Variants in ASIC2 observed in about 807,000 individuals in gnomAD.
ASIC2 encodes acid-sensing ion channel 2.
Under a neutral mutation model 57.3 loss-of-function variants are expected in ASIC2, and 25 were observed. The observed-to-expected ratio is 0.44, with a 90% CI of 0.32 to 0.61. ASIC2 has a LOEUF of 0.61. Ranked by LOEUF, ASIC2 falls within the 20% of genes least tolerant of loss-of-function variation. The pLI is 0.06. For missense variants in ASIC2, 641 were observed against 738.1 expected, an observed-to-expected ratio of 0.87 and a Z score of 1.52; for synonymous variants, 319 against 307.5, an observed-to-expected ratio of 1.04 and a Z score of -0.39.
chr17:33,236,492 C>G (rs765451754), intron 1 of ASIC2, among the ~76,000 whole-genome samples: 3 of 152,010 alleles, frequency 2.0e-5, no homozygotes, highest in Non-Finnish European at 4.4e-5. Flanking sequence ...TACAGGTGCA[C>G]GCTACTACAC....
intron 1 of ASIC2, among the ~76,000 whole-genome samples, chr17:33,560,942 C>A (rs181328163): frequency 6.6e-6 from 1 of 152,290 alleles, no homozygotes; most frequent in African/African-American, 2.4e-5. Flanking sequence ...CATAGACCTT[C>A]CAAAATACCA....
intron 1 of ASIC2, among the ~76,000 whole-genome samples, chr17:33,846,412 A>C (rs1164070983): frequency 6.6e-6 from 1 of 152,108 alleles, no homozygotes; most frequent in Non-Finnish European, 1.5e-5. Flanking sequence ...TTCCCTTCTC[A>C]AGTTGGCCTC....
chr17:34,097,327 G>A (rs1380794561), intron 1 of ASIC2, among the ~76,000 whole-genome samples: 2 of 152,136 alleles, frequency 1.3e-5, no homozygotes, highest in Non-Finnish European at 2.9e-5. Context: ...GATGCAGGAA[G>A]AGTAGTTTGG....
At chr17:33,737,175 T>G (rs147491879) in intron 1 of ASIC2, among the ~76,000 whole-genome samples, 2 of 152,280 alleles carry the variant, frequency 1.3e-5, no homozygotes. Flanking sequence ...TTTACCCTTA[T>G]AAACTGAGGC....
intron 1 of ASIC2, among the ~76,000 whole-genome samples, chr17:33,128,153 T>C (rs553384223): frequency 1.3e-5 from 2 of 152,316 alleles, no homozygotes; most frequent in Admixed American, 1.3e-4. Context: ...TACCCACTGC[T>C]CGGAATGGCT....
intron 1 of ASIC2, among the ~76,000 whole-genome samples, chr17:33,673,723 T>C (rs1455840562): frequency 6.6e-6 from 1 of 152,114 alleles, no homozygotes; most frequent in African/African-American, 2.4e-5. Flanking sequence ...TCCTGGCAGC[T>C]CTCATCTTCA....
intron 1 of ASIC2, among the ~76,000 whole-genome samples, chr17:33,618,264 G>T (rs1292653671): frequency 6.6e-6 from 1 of 151,872 alleles, no homozygotes; most frequent in Non-Finnish European, 1.5e-5. Context: ...GTGTTGCCTA[G>T]GCTGGCCTCA....
At chr17:33,180,839 A>T (rs1905952530) in intron 1 of ASIC2, among the ~76,000 whole-genome samples, 1 of 151,910 alleles carries the variant, frequency 6.6e-6, no homozygotes, top group Non-Finnish European at 1.5e-5. Flanking sequence ...TTCAGCTCAG[A>T]CCTATGTTTC....
chr17:33,221,608 T>G (rs1907693095), intron 1 of ASIC2, among the ~76,000 whole-genome samples: 1 of 152,194 alleles, frequency 6.6e-6, no homozygotes, highest in African/African-American at 2.4e-5. Flanking sequence ...CCCAATGAAA[T>G]GAATTCACTC....
At chr17:34,016,423 C>CAAAAAA (rs398041640) in intron 1 of ASIC2, among the ~76,000 whole-genome samples, 14 of 41,418 alleles carry the variant, frequency 3.4e-4, no homozygotes, top group African/African-American at 4.1e-4. Context: ...GACTCCGTCT[C>CAAAAAA]AAAAAAAAAA....
In ASIC2 at chr17:33,419,773, A is replaced by G. The variant is rs531092006; in HGVS notation, c.556-307706T>C. Among the ~76,000 whole-genome samples, 25 of 152,338 alleles carry G rather than the reference A, an allele frequency of 1.6e-4. No individual in the cohort carries two copies. The South Asian group carries it at 3.7e-3, about 23-fold the overall frequency. ...ATCAGTAGAGGATTGGTCACATAAA[A>G]TATGATTCATCAAAAAGATGGACTA... is the stretch of plus-strand genomic sequence containing the variant. On this transcript the variant is annotated intron_variant, in intron 1 of 9. Transcript: ENST00000359872.
At chr17:33,295,358 G>A (rs1168981648), upstream of ASIC2, among the ~76,000 whole-genome samples, 1 of 152,166 alleles carries the variant, frequency 6.6e-6, no homozygotes, top group Non-Finnish European at 1.5e-5. Flanking sequence ...ATGATTGATG[G>A]CTCTCTTTAT....
chr17:33,966,457 A>G (rs1026685241), intron 1 of ASIC2, among the ~76,000 whole-genome samples: 12 of 152,330 alleles, frequency 7.9e-5, no homozygotes, highest in African/African-American at 2.6e-4. Context: ...CTTATATAAT[A>G]CCACATTCAT....
intron 3 of ASIC2, among the ~76,000 whole-genome samples, chr17:33,082,909 G>A (rs1484396977): frequency 1.3e-5 from 2 of 151,590 alleles, no homozygotes; most frequent in East Asian, 1.9e-4. Context: ...TCTCTTATCT[G>A]TTCATCCACT....
At position 33,856,242 on chromosome 17, in the gene ASIC2, G is replaced by A. The variant is rs2141919726; in HGVS notation, c.555+299736C>T. On this transcript the variant is annotated intron_variant, in intron 1 of 9. Coordinates refer to the ASIC2 transcript ENST00000359872. ...TCTTAGTTTTATCATCTGTACAATA[G>A]GAAAAAGCATCAATATCAATTTCAT... Among the ~76,000 whole-genome samples the A allele has an allele frequency of 1.3e-5, 2 of 152,244 alleles. 1 individual carries two copies. Among genetic ancestry groups the A allele is most frequent in the South Asian group, 4.2e-4 (2 of 4,808 alleles).
intron 1 of ASIC2, among the ~76,000 whole-genome samples, chr17:33,917,855 T>TAC (rs10645495): frequency 0.31 from 43,606 of 138,946 alleles, 8,500 homozygotes; most frequent in African/African-American, 0.52. Flanking sequence ...TAAAGCCCGG[T>TAC]ACACACACAC....
In ASIC2 at chr17:33,934,529, A is replaced by G. The variant is rs756427446; in HGVS notation, c.555+221449T>C. Among the ~76,000 whole-genome samples the G allele has an allele frequency of 1.1e-3, 165 of 151,976 alleles. 1 individual carries two copies. Among genetic ancestry groups the G allele is most frequent in the Non-Finnish European group, 1.6e-3 (107 of 67,950 alleles). On this transcript the variant is annotated intron_variant, in intron 1 of 9. Transcript: ENST00000359872. ...CAGGATCCAGGCTGGAATGAAGGCAACTCTCAAGGGCACAGGCCGTGGGCA... is the reference window on the plus strand; with the variant it reads ...CAGGATCCAGGCTGGAATGAAGGCAGCTCTCAAGGGCACAGGCCGTGGGCA...
intron 1 of ASIC2, among the ~76,000 whole-genome samples, chr17:33,198,829 C>T (rs1423555546): frequency 6.6e-6 from 1 of 152,202 alleles, no homozygotes; most frequent in Non-Finnish European, 1.5e-5. Context: ...AGCTAAAATA[C>T]ACAATCTTCT....
intron 1 of ASIC2, among the ~76,000 whole-genome samples, chr17:33,200,238 T>C (rs1906805680): frequency 6.6e-6 from 1 of 152,192 alleles, no homozygotes; most frequent in Admixed American, 6.5e-5. Flanking sequence ...CTCACATCTG[T>C]CTGTCAAGCA....
Sources: allele counts gnomAD v4.1 joint callset (sites outside exome capture counted in the v4.1 genomes callset), GRCh38; gene constraint gnomAD v4.1.1; transcripts MANE v1.5; gene names NCBI Gene and HGNC (gene_info 2026-07-23, HGNC 2026-07-21).